The following SATB1 variants were observed in gnomAD, a reference collection of about 807,000 sequenced individuals.
SATB1 encodes the protein DNA-binding protein SATB1.
A neutral mutation model predicts 86.9 loss-of-function variants in SATB1; 11 were observed. The observed-to-expected ratio is 0.13, with a 90% confidence interval of 0.08 to 0.21. The LOEUF is 0.21. Ranked by LOEUF, SATB1 falls within the 10% of genes least tolerant of loss-of-function variation. The pLI, the probability that SATB1 is intolerant of heterozygous loss-of-function variation, is 1.00. For synonymous variants in SATB1, 357 were observed against 357.2 expected, an observed-to-expected ratio of 1.00 and a Z score of 0.01; for missense variants, 551 against 937.6, an observed-to-expected ratio of 0.59 and a Z score of 5.39.
rs1034018060 is a variant in SATB1 at position 18,444,723 on chromosome 3, T to TGCCGCC, written c.-25+789_-25+794dup. On this transcript the variant is annotated intron_variant, in intron 1 of 3. Coordinates refer to the SATB1 transcript ENST00000415069. This position sits in a 1 kb window ranked among gnomAD's most constrained non-coding sequence, Gnocchi z 5.1. ...CCGAGGCGGCGGCTTCTGCCTCTCC[T>TGCCGCC]GCCGCCGCCGCCGCCGCCGGAGCTG... 176 of 879,146 alleles carry TGCCGCC rather than the reference T, an allele frequency of 2.0e-4. No individual in the cohort carries two copies. Among genetic ancestry groups the TGCCGCC allele is most frequent in the Non-Finnish European group, 2.2e-4 (165 of 734,018 alleles). The allele number at this position is 879,146 out of a possible 1,614,324, so 54.5% of individuals were successfully genotyped here. A position where few individuals can be genotyped will look rare whatever the true frequency, so the allele number is the denominator to read the frequency against.
Position 18,379,825 on chromosome 3 carries a change from A to G in SATB1, c.1420-1500T>C, listed in dbSNP as rs916457908. 2.6e-5 allele frequency among the ~76,000 whole-genome samples: 4 copies of G among 152,210 alleles called. No homozygotes were observed. In the South Asian group the frequency reaches 8.3e-4, roughly 32 times the overall value. ...GTTGGCCCGCAGGCCTGAAGGGGAC[A>G]CAGCAGGTAAGGCAGGACAGGTGAC... is the stretch of plus-strand genomic sequence containing the variant. On this transcript the variant is annotated intron_variant, in intron 8 of 10. Transcript: ENST00000338745.
At chr3:18,440,241 G>C (rs1699202222), upstream of SATB1, among the ~76,000 whole-genome samples, 1 of 152,112 alleles carries the variant, frequency 6.6e-6, no homozygotes, top group Non-Finnish European at 1.5e-5. Context: ...ATTCTTTTGG[G>C]GTTTTGATGT....
chr3:18,358,312 T>A (rs1396728198), intron 9 of SATB1, among the ~76,000 whole-genome samples: 1 of 151,990 alleles, frequency 6.6e-6, no homozygotes, highest in African/African-American at 2.4e-5. Flanking sequence ...CTTTAAATGT[T>A]ATGAAGTTCT....
intron 9 of SATB1, among the ~76,000 whole-genome samples, chr3:18,369,833 C>T (rs1006236925): frequency 1.3e-5 from 2 of 152,180 alleles, no homozygotes; most frequent in African/African-American, 4.8e-5. Context: ...AAATATTTCA[C>T]AGCGTGTGTC....
intron 2 of SATB1, among the ~76,000 whole-genome samples, chr3:18,435,606 C>T (rs1431368096): frequency 1.3e-5 from 2 of 151,996 alleles, no homozygotes; most frequent in Non-Finnish European, 2.9e-5. Flanking sequence ...GACCTCTAGC[C>T]AATTAACTGG....
chr3:18,411,441 T>TA (rs1697837224), intron 5 of SATB1, among the ~76,000 whole-genome samples: 1 of 152,122 alleles, frequency 6.6e-6, no homozygotes, highest in African/African-American at 2.4e-5. Context: ...AAAATGAATC[T>TA]ACCCTGTATC....
intron 9 of SATB1, among the ~76,000 whole-genome samples, chr3:18,365,696 A>G (rs1695151805): frequency 6.6e-6 from 1 of 152,194 alleles, no homozygotes; most frequent in Admixed American, 6.5e-5. Context: ...ACTTTATATT[A>G]TATGTGGCTC....
chr3:18,445,364 G>A, intron 1 of SATB1: 1 of 985,108 alleles, frequency 1.0e-6, no homozygotes, highest in Middle Eastern at 5.2e-4. Context: ...TGTGGGGGGC[G>A]GCGGGCCGGA....
Position 18,424,319 on chromosome 3 carries a change from C to T in SATB1, c.-717G>A, listed in dbSNP as rs1010133076. The T allele has an allele frequency of 1.4e-5, 2 of 139,180 alleles. No homozygotes were observed. The highest frequency in any genetic ancestry group is 5.5e-5 in the African/African-American group (2 of 36,582). 8.6% of individuals were successfully genotyped at this position (139,180 alleles called of 1,614,324 possible). On this transcript the variant is annotated 5_prime_UTR_variant, in exon 1 of 11. Transcript: ENST00000338745. ...GCCACCTCGCCTCCCTTCCAATCAC[C>T]CCCACCCCCCTCGCCAACAATCGCG...
At chr3:18,391,695 G>A (rs1035112959) in intron 7 of SATB1, among the ~76,000 whole-genome samples, 2 of 152,022 alleles carry the variant, frequency 1.3e-5, no homozygotes, top group Non-Finnish European at 2.9e-5. Context: ...ACACAAATGT[G>A]TGATGTGTGA....
chr3:18,393,164 A>G (rs899659319), intron 7 of SATB1, among the ~76,000 whole-genome samples: 1 of 152,154 alleles, frequency 6.6e-6, no homozygotes, highest in Non-Finnish European at 1.5e-5. Flanking sequence ...TCTCATAATC[A>G]TAATCATGTA....
In SATB1 at chr3:18,394,571, G is replaced by A. The variant is rs148337599; in HGVS notation, c.1097C>T (p.Ser366Leu). The change falls in exon 7 of 11, where the codon TCG becomes TTG. Residue 366 changes from serine (S) to leucine (L), a missense_variant. Physicochemically the swap from Ser to Leu is moderately radical, Grantham distance 145. Around this residue, in one of 8 missense-constraint regions of SATB1, gnomAD observed 119 missense variants for 171.1 expected, o/e 0.70. Coordinates refer to ENST00000338745, the MANE Select transcript of SATB1 (RefSeq NM_002971.6). This position sits in a 1 kb window ranked among gnomAD's most constrained non-coding sequence, Gnocchi z 5.9. ...SMNKPLEQQV[S>L]TNTEVSSEIY... ...TTCGGAAGACACCTCTGTGTTGGTC[G>A]AAACCTGTTGCTCCAAAGGCTTATT... 1,815 of 1,614,118 alleles carry A rather than the reference G, an allele frequency of 1.1e-3. 1 individual carries two copies. The highest frequency in any genetic ancestry group is 1.4e-3 in the Non-Finnish European group (1,640 of 1,180,012).
intron 9 of SATB1, among the ~76,000 whole-genome samples, chr3:18,367,395 AC>A: frequency 6.6e-6 from 1 of 152,292 alleles, no homozygotes; most frequent in South Asian, 2.1e-4. Flanking sequence ...AAAAGGAATC[AC>A]TTTTCCTTCC....
At position 18,371,353 on chromosome 3, in the gene SATB1, G is replaced by A. The variant is rs114201535; in HGVS notation, c.1575+6817C>T. 7.4e-3 allele frequency among the ~76,000 whole-genome samples: 1,123 copies of A among 152,238 alleles called. 20 individuals are homozygous for A. The highest frequency in any genetic ancestry group is 0.048 in the South Asian group (233 of 4,824). On this transcript the variant is annotated intron_variant, in intron 9 of 10. Transcript: ENST00000338745. Reference sequence around the variant, plus strand: ...ACATGGTATGTAATTATAAATTACAGAGTAGTTATATGTCTACTAATCTCT... The same window carrying A: ...ACATGGTATGTAATTATAAATTACAAAGTAGTTATATGTCTACTAATCTCT...
chr3:18,433,757 C>T (rs1207196647), intron 2 of SATB1, among the ~76,000 whole-genome samples: 1 of 152,008 alleles, frequency 6.6e-6, no homozygotes, highest in Non-Finnish European at 1.5e-5. Flanking sequence ...ATGCTTAAGG[C>T]ATATCCAGTT....
chr3:18,425,928 CAAA>C (rs1439145144), upstream of SATB1, among the ~76,000 whole-genome samples: 1 of 151,832 alleles, frequency 6.6e-6, no homozygotes, highest in Non-Finnish European at 1.5e-5. Context: ...CCACACGCCA[CAAA>C]AGCCACAAAA....
Position 18,349,750 on chromosome 3 carries a change from C to G in SATB1, c.1780-68G>C. 4.6e-6 allele frequency: 7 copies of G among 1,514,552 alleles called. No homozygotes were observed. The highest frequency in any genetic ancestry group is 1.4e-5 in the African/African-American group (1 of 72,092). 93.8% of individuals were successfully genotyped at this position (1,514,552 alleles called of 1,614,324 possible). A position where few individuals can be genotyped will look rare whatever the true frequency, so the allele number is the denominator to read the frequency against. ...AGTTCCACACAAAGCCGTCTCCAAT[C>G]AGGAAAAATGTGGTCCCGGATCCTA... On this transcript the variant is annotated intron_variant, in intron 10 of 10. Transcript: ENST00000338745. The surrounding 1 kb of genome is among the most constrained non-coding windows in gnomAD (Gnocchi z 5.5).
Position 18,346,001 on chromosome 3 carries a change from A to ACTT in SATB1, c.*3166_*3168dup, listed in dbSNP as rs976777129. The ACTT allele has an allele frequency of 2.6e-5, 4 of 152,094 alleles. No individual in the cohort carries two copies. The highest frequency in any genetic ancestry group is 9.7e-5 in the African/African-American group (4 of 41,432). The allele number at this position is 152,094 out of a possible 1,614,324, so 9.4% of individuals were successfully genotyped here. On this transcript the variant is annotated 3_prime_UTR_variant, in exon 11 of 11. Transcript: ENST00000338745. ...GATAAACACAGATATAGATATCGCTACTTTGAAAAAAATCACTTATTTTAA... is the reference window on the plus strand; with the variant it reads ...GATAAACACAGATATAGATATCGCTACTTCTTTGAAAAAAATCACTTATTTTAA...
chr3:18,437,102 T>TCA (rs1261772971), intron 1 of SATB1, among the ~76,000 whole-genome samples: 1 of 152,176 alleles, frequency 6.6e-6, no homozygotes, highest in East Asian at 1.9e-4. Flanking sequence ...TATATAGAGT[T>TCA]TTAAGTAATC....
Sources: allele counts gnomAD v4.1 joint callset (sites outside exome capture counted in the v4.1 genomes callset), GRCh38; gene constraint gnomAD v4.1.1; regional missense constraint gnomAD v4.1.1; non-coding constraint Gnocchi (gnomAD v3.1); transcripts MANE v1.5; gene names NCBI Gene and HGNC (gene_info 2026-07-23, HGNC 2026-07-21).